Variants in GRM1 observed in about 807,000 individuals in gnomAD.
GRM1 encodes the protein metabotropic glutamate receptor 1.
GRM1 carries 33 observed loss-of-function variants against 90.9 expected under a neutral mutation model. The ratio of observed to expected loss-of-function variants is 0.36; its 90% CI spans 0.28 to 0.49. The LOEUF (loss-of-function observed/expected upper bound fraction) is 0.49. Among genes scored for constraint, GRM1 ranks in the 20% least tolerant of loss-of-function variants. GRM1 has a pLI of 0.99. For synonymous variants in GRM1, 700 were observed against 613.2 expected (o/e 1.14, Z -2.09); for missense variants, 1,190 against 1,534.3 (o/e 0.78, Z 3.75).
chr6:146,038,292 A>C lies in GRM1; in HGVS notation c.700+8075A>C, dbSNP rs563141479. Among the ~76,000 whole-genome samples, 193 of 152,052 alleles carry C rather than the reference A, an allele frequency of 1.3e-3. 1 individual carries two copies. The highest frequency in any genetic ancestry group is 2.4e-3 in the Non-Finnish European group (161 of 67,898). On this transcript the variant is annotated intron_variant, in intron 1 of 7. Coordinates refer to ENST00000282753, the MANE Select transcript of GRM1 (RefSeq NM_001278064.2). ...GTGGTATGGAGTGGATAAGGATGAG[A>C]AAATTAGAGAAGGGTGGCTAGAGTT...
chr6:146,386,333 A>G (rs958931538), intron 5 of GRM1, among the ~76,000 whole-genome samples: 1 of 152,094 alleles, frequency 6.6e-6, no homozygotes, highest in African/African-American at 2.4e-5. Context: ...TGAATTCACT[A>G]GAGAAAGTCA....
At chr6:146,400,944 A>G (rs1777136546) in intron 7 of GRM1, among the ~76,000 whole-genome samples, 2 of 152,078 alleles carry the variant, frequency 1.3e-5, no homozygotes, top group African/African-American at 4.8e-5. Flanking sequence ...TCTTAATCCC[A>G]AATGTGATAG....
chr6:146,322,759 C>T (rs776168354), intron 3 of GRM1, among the ~76,000 whole-genome samples: 24 of 152,134 alleles, frequency 1.6e-4, no homozygotes, highest in Admixed American at 7.2e-4. Flanking sequence ...CGCCCTCCAC[C>T]CACCCCACAG....
chr6:146,368,729 G>A (rs1405681618), intron 5 of GRM1, among the ~76,000 whole-genome samples: 1 of 152,052 alleles, frequency 6.6e-6, no homozygotes, highest in Non-Finnish European at 1.5e-5. Context: ...TCTTTTTGAT[G>A]TACTGTGGAA....
Position 146,435,171 on chromosome 6 carries a change from G to A in GRM1, c.*375G>A. Reference sequence around the variant, plus strand: ...GATATATATATGCCCACACACACTGGGCCATGCTTGCCAAGGAACAGCCCA... The same window carrying A: ...GATATATATATGCCCACACACACTGAGCCATGCTTGCCAAGGAACAGCCCA... On this transcript the variant is annotated 3_prime_UTR_variant, in exon 8 of 8. Transcript: ENST00000282753. 2.8e-6 allele frequency: 1 copy of A among 354,070 alleles called. No individual in the cohort carries two copies. The highest frequency in any genetic ancestry group is 5.4e-6 in the Non-Finnish European group (1 of 183,828). The allele number at this position is 354,070 out of a possible 1,614,324, so 21.9% of individuals were successfully genotyped here. A position where few individuals can be genotyped will look rare whatever the true frequency, so the allele number is the denominator to read the frequency against.
chr6:146,349,044 C>CTATTATTATTAT (rs71028388), intron 3 of GRM1, among the ~76,000 whole-genome samples: 4,286 of 141,498 alleles, frequency 0.03, 100 homozygotes, highest in East Asian at 0.056. Context: ...GAAGTGGTAG[C>CTATTATTATTAT]TATTATTATT....
rs926562208 is a variant in GRM1, at chr6:146,049,876, T to C, written c.700+19659T>C. On this transcript the variant is annotated intron_variant, in intron 1 of 7. Transcript: ENST00000282753. ...CCTCTCGATAACCCTAGAAGGTAGG[T>C]ACTATTATTATTCTTGGAAGTTTAA... Among the ~76,000 whole-genome samples the C allele has an allele frequency of 5.9e-5, 9 of 152,078 alleles. No homozygotes were observed. The South Asian group carries it at 1.7e-3, about 28-fold the overall frequency.
At chr6:146,231,592 G>A (rs1012503667) in intron 2 of GRM1, among the ~76,000 whole-genome samples, 23 of 152,070 alleles carry the variant, frequency 1.5e-4, no homozygotes, top group African/African-American at 5.3e-4. Flanking sequence ...GTTGTGTCAT[G>A]TCATATACTA....
intron 1 of GRM1, among the ~76,000 whole-genome samples, chr6:146,054,637 G>A (rs1027135677): frequency 2.6e-5 from 4 of 152,050 alleles, no homozygotes; most frequent in Non-Finnish European, 5.9e-5. Context: ...TTATGGAGAG[G>A]AGAAAGGGAA....
chr6:146,066,070 A>G (rs567249266), intron 1 of GRM1, among the ~76,000 whole-genome samples: 1 of 151,988 alleles, frequency 6.6e-6, no homozygotes, highest in Non-Finnish European at 1.5e-5. Context: ...TCCCTTTTCC[A>G]ACTTTTATTT....
intron 2 of GRM1, among the ~76,000 whole-genome samples, chr6:146,189,815 G>A (rs1295898452): frequency 2.0e-5 from 3 of 152,134 alleles, no homozygotes; most frequent in Non-Finnish European, 2.9e-5. Flanking sequence ...TTCCACCGAG[G>A]TAGCATAAAT....
intron 7 of GRM1, among the ~76,000 whole-genome samples, chr6:146,427,466 G>A (rs546059153): frequency 3.0e-4 from 46 of 152,210 alleles, no homozygotes; most frequent in African/African-American, 1.0e-3. Context: ...CCACTGATGA[G>A]GTGTCTGTGG....
At chr6:146,053,864 C>A (rs1474471013) in intron 1 of GRM1, among the ~76,000 whole-genome samples, 1 of 151,976 alleles carries the variant, frequency 6.6e-6, no homozygotes, top group Non-Finnish European at 1.5e-5. Context: ...TCAGTTTTAA[C>A]TGAAGAGATA....
intron 3 of GRM1, among the ~76,000 whole-genome samples, chr6:146,324,557 G>A (rs1784333776): frequency 6.6e-6 from 1 of 152,204 alleles, no homozygotes; most frequent in Non-Finnish European, 1.5e-5. Flanking sequence ...GGTGGTATGG[G>A]CATCTGAGGG....
intron 1 of GRM1, among the ~76,000 whole-genome samples, chr6:146,104,824 T>C (rs925633228): frequency 3.9e-5 from 6 of 152,242 alleles, no homozygotes; most frequent in African/African-American, 1.4e-4. Flanking sequence ...TGCAACGTGA[T>C]ATTGAGTGAG....
intron 2 of GRM1, among the ~76,000 whole-genome samples, chr6:146,194,985 TA>T (rs1452359413): frequency 6.6e-6 from 1 of 152,222 alleles, no homozygotes; most frequent in Non-Finnish European, 1.5e-5. Context: ...TTAAATGAGT[TA>T]CTACATGTAA....
At chr6:146,135,158 G>A (rs2128881527) in intron 1 of GRM1, among the ~76,000 whole-genome samples, 2 of 152,202 alleles carry the variant, frequency 1.3e-5, no homozygotes, top group South Asian at 4.2e-4. Flanking sequence ...CCTAAGAGGT[G>A]GTTACTATTA....
chr6:146,040,824 G>A (rs893048264), intron 1 of GRM1, among the ~76,000 whole-genome samples: 1 of 151,776 alleles, frequency 6.6e-6, no homozygotes, highest in African/African-American at 2.4e-5. Context: ...ATTTCTTTAT[G>A]TGATCTTTCT....
At chr6:146,188,415 G>A (rs977608822) in intron 2 of GRM1, among the ~76,000 whole-genome samples, 3 of 152,112 alleles carry the variant, frequency 2.0e-5, no homozygotes, top group Non-Finnish European at 4.4e-5. Flanking sequence ...TCTTCCAAGA[G>A]AATGGCAATT....
Sources: gnomAD v4.1 joint callset for allele counts (sites outside exome capture counted in the v4.1 genomes callset) on GRCh38, gnomAD v4.1.1 for gene constraint, MANE v1.5 for transcripts, NCBI Gene and HGNC (gene_info 2026-07-23, HGNC 2026-07-21) for gene names.